ENTREP1: variants seen among roughly 807,000 people sequenced by gnomAD.
ENTREP1 encodes the protein Friedreich ataxia region gene X123.
At chr9:69,374,121 T>G in the ENTREP1 span, among the ~76,000 whole-genome samples, 2 of 152,200 alleles carry the variant, frequency 1.3e-5, no homozygotes, top group Non-Finnish European at 2.9e-5. Flanking sequence ...GTTTGAAAGT[T>G]TTTGTGTCTG....
chr9:69,349,933 C>T, the ENTREP1 span, among the ~76,000 whole-genome samples: 11 of 152,270 alleles, frequency 7.2e-5, no homozygotes, highest in South Asian at 2.3e-3. Flanking sequence ...ATGCATATGG[C>T]TTTCACACTA....
the ENTREP1 span, chr9:69,380,926 G>A: frequency 6.6e-6 from 1 of 152,322 alleles, no homozygotes; most frequent in Admixed American, 6.5e-5. Context: ...GATGCTTGGG[G>A]TTGAGTCAGT....
chr9:69,349,656 A>G, the ENTREP1 span, among the ~76,000 whole-genome samples: 5 of 152,260 alleles, frequency 3.3e-5, no homozygotes, highest in African/African-American at 7.2e-5. Flanking sequence ...CCCACTTACA[A>G]TGTGGGTTAT....
the ENTREP1 span, among the ~76,000 whole-genome samples, chr9:69,354,117 A>G: frequency 2.0e-5 from 3 of 152,074 alleles, no homozygotes; most frequent in Admixed American, 6.6e-5. Context: ...AGGCTCATCA[A>G]GTATCTAGGC....
At chr9:69,375,794 G>A in the ENTREP1 span, 1 of 1,613,928 alleles carries the variant, frequency 6.2e-7, no homozygotes, top group South Asian at 1.1e-5. Context: ...CCAGCCAAGT[G>A]CACAGACAAA....
At chr9:69,390,151 ATTC>A in the ENTREP1 span, among the ~76,000 whole-genome samples, 1 of 152,258 alleles carries the variant, frequency 6.6e-6, no homozygotes, top group South Asian at 2.1e-4. Context: ...TTGAACTTTT[ATTC>A]TTAATCGGGA....
At chr9:69,379,531 G>C in the ENTREP1 span, 1 of 152,274 alleles carries the variant, frequency 6.6e-6, no homozygotes, top group African/African-American at 2.4e-5. Flanking sequence ...TTCAGGAAAT[G>C]AGCCAAGAAT....
the ENTREP1 span, among the ~76,000 whole-genome samples, chr9:69,333,911 A>G: frequency 6.6e-6 from 1 of 152,360 alleles, no homozygotes; most frequent in Admixed American, 6.5e-5. Flanking sequence ...GCATACACAC[A>G]TACATGCACA....
the ENTREP1 span, chr9:69,324,801 G>A: frequency 4.1e-6 from 4 of 985,106 alleles, no homozygotes; most frequent in Non-Finnish European, 4.8e-6. Context: ...GCGCGCCAGG[G>A]CCTCTCTCGT....
At chr9:69,347,093 G>A in the ENTREP1 span, among the ~76,000 whole-genome samples, 9 of 152,230 alleles carry the variant, frequency 5.9e-5, no homozygotes, top group African/African-American at 2.2e-4. Flanking sequence ...TATGTTCATA[G>A]ACTAAGCACA....
At chr9:69,382,848 C>G in the ENTREP1 span, 1 of 207,800 alleles carries the variant, frequency 4.8e-6, no homozygotes, top group African/African-American at 2.4e-5. Context: ...TTTTGTATTT[C>G]AAGAACAGAC....
the ENTREP1 span, among the ~76,000 whole-genome samples, chr9:69,335,905 G>A: frequency 1.4e-4 from 7 of 48,642 alleles, no homozygotes; most frequent in East Asian, 2.9e-3. Flanking sequence ...GATCACCAGA[G>A]CCCAGAAAGT....
chr9:69,358,904 T>A, the ENTREP1 span, among the ~76,000 whole-genome samples: 1 of 5,880 alleles, frequency 1.7e-4, no homozygotes, highest in Non-Finnish European at 3.7e-4. Context: ...TTTTCTTTCT[T>A]TTTTTTTTTT....
the ENTREP1 span, among the ~76,000 whole-genome samples, chr9:69,389,820 C>G: frequency 1.1e-4 from 16 of 152,228 alleles, no homozygotes; most frequent in Admixed American, 2.6e-4. Flanking sequence ...TCACTAGATG[C>G]TATCATCACA....
the ENTREP1 span, chr9:69,387,546 T>C: frequency 5.2e-6 from 1 of 193,088 alleles, no homozygotes; most frequent in African/African-American, 2.4e-5. Flanking sequence ...AGGCTCTCTG[T>C]TGACTTCCAG....
chr9:69,354,557 C>T, the ENTREP1 span, among the ~76,000 whole-genome samples: 1 of 152,158 alleles, frequency 6.6e-6, no homozygotes, highest in Non-Finnish European at 1.5e-5. Flanking sequence ...TGCGCCTGGC[C>T]CATTGCAATT....
At chr9:69,360,508 A>G in the ENTREP1 span, among the ~76,000 whole-genome samples, 1 of 152,170 alleles carries the variant, frequency 6.6e-6, no homozygotes, top group East Asian at 1.9e-4. Context: ...AACAAAGGTT[A>G]ACTTGTTCAA....
chr9:69,375,707 G>C, the ENTREP1 span: 56 of 1,575,252 alleles, frequency 3.6e-5, no homozygotes, highest in Non-Finnish European at 4.5e-5. Context: ...AATAATTAAA[G>C]TATTTTTTTT....
At chr9:69,327,585 A>G in the ENTREP1 span, among the ~76,000 whole-genome samples, 1 of 151,884 alleles carries the variant, frequency 6.6e-6, no homozygotes, top group African/African-American at 2.4e-5. Flanking sequence ...GCACTTAGAT[A>G]TCGGTCAAGC....
Sources: gnomAD v4.1 joint callset for allele counts (sites outside exome capture counted in the v4.1 genomes callset) on GRCh38, gnomAD v4.1.1 for gene constraint, MANE v1.5 for transcripts, NCBI Gene and HGNC (gene_info 2026-07-23, HGNC 2026-07-21) for gene names.